MTCL2: variants seen among roughly 807,000 people sequenced by gnomAD.
MTCL2 encodes the protein microtubule cross-linking factor 2.
the MTCL2 span, among the ~76,000 whole-genome samples, chr20:36,846,687 C>T: frequency 6.6e-6 from 1 of 152,192 alleles, no homozygotes; most frequent in African/African-American, 2.4e-5. Context: ...AGCCCTCCAG[C>T]GTCCAAATAG....
chr20:36,789,348 T>C, the MTCL2 span, among the ~76,000 whole-genome samples: 1 of 152,042 alleles, frequency 6.6e-6, no homozygotes, highest in Non-Finnish European at 1.5e-5. Flanking sequence ...TCTGTCAGAG[T>C]GCTTTGAGAT....
At chr20:36,805,957 C>T in the MTCL2 span, 2 of 1,597,730 alleles carry the variant, frequency 1.3e-6, no homozygotes, top group Non-Finnish European at 1.7e-6. Context: ...ATGCTGTTCA[C>T]CTGTTTTTTA....
chr20:36,825,337 C>T, the MTCL2 span, among the ~76,000 whole-genome samples: 1 of 152,210 alleles, frequency 6.6e-6, no homozygotes, highest in Non-Finnish European at 1.5e-5. Context: ...TAAAATAAGA[C>T]AACCACACCA....
chr20:36,790,149 G>A, the MTCL2 span, among the ~76,000 whole-genome samples: 3 of 151,716 alleles, frequency 2.0e-5, no homozygotes, highest in Admixed American at 6.6e-5. Context: ...CTGCCACCAC[G>A]CCTGGCTAAC....
the MTCL2 span, chr20:36,839,354 G>A: frequency 6.2e-7 from 1 of 1,613,004 alleles, no homozygotes; most frequent in Non-Finnish European, 8.5e-7. This position sits in a 1 kb window ranked among gnomAD's most constrained non-coding sequence, Gnocchi z 5.1. Flanking sequence ...TCCAGCTGCT[G>A]TCGCAGCTCC....
chr20:36,862,549 C>T, the MTCL2 span: 5 of 1,109,862 alleles, frequency 4.5e-6, no homozygotes, highest in African/African-American at 8.2e-5. Context: ...GCTTGGGCCC[C>T]TTTCTCCGGA....
At chr20:36,797,499 C>T in the MTCL2 span, 1 of 1,553,496 alleles carries the variant, frequency 6.4e-7, no homozygotes, top group East Asian at 2.4e-5. Flanking sequence ...CCGCCCCACT[C>T]ACCTCCTTCC....
chr20:36,838,544 A>C, the MTCL2 span, among the ~76,000 whole-genome samples: 1 of 152,112 alleles, frequency 6.6e-6, no homozygotes, highest in Non-Finnish European at 1.5e-5. Flanking sequence ...CTATGATCAC[A>C]TCACTGCCTG....
At chr20:36,780,209 C>T in the MTCL2 span, 1 of 151,078 alleles carries the variant, frequency 6.6e-6, no homozygotes, top group African/African-American at 2.4e-5. Context: ...CACAAAAGGA[C>T]AAATACTATA....
the MTCL2 span, among the ~76,000 whole-genome samples, chr20:36,819,088 A>T: frequency 1.3e-5 from 2 of 152,380 alleles, no homozygotes; most frequent in South Asian, 4.1e-4. Flanking sequence ...AGGTTCATAA[A>T]TTGCTGGCAA....
chr20:36,783,774 A>G, the MTCL2 span: 1 of 985,384 alleles, frequency 1.0e-6, no homozygotes, highest in Non-Finnish European at 1.2e-6. Flanking sequence ...AAACTTAGAA[A>G]TCACATTCCA....
chr20:36,855,372 G>A, the MTCL2 span, among the ~76,000 whole-genome samples: 6 of 152,222 alleles, frequency 3.9e-5, no homozygotes, highest in Non-Finnish European at 5.9e-5. Context: ...GGACCTCGGA[G>A]AACAAAGGGC....
the MTCL2 span, among the ~76,000 whole-genome samples, chr20:36,806,862 G>A: frequency 6.6e-6 from 1 of 152,052 alleles, no homozygotes; most frequent in Non-Finnish European, 1.5e-5. Context: ...CCTAAAGTAA[G>A]TTTCTCTCTC....
chr20:36,825,971 TAA>T, the MTCL2 span, among the ~76,000 whole-genome samples: 1 of 151,644 alleles, frequency 6.6e-6, no homozygotes, highest in Non-Finnish European at 1.5e-5. Context: ...TTACCTCTTT[TAA>T]AAATTTCACA....
the MTCL2 span, among the ~76,000 whole-genome samples, chr20:36,821,421 G>A: frequency 2.6e-5 from 4 of 152,082 alleles, no homozygotes; most frequent in East Asian, 3.9e-4. Context: ...CCAGCTACTC[G>A]GGAGGCTGAG....
the MTCL2 span, among the ~76,000 whole-genome samples, chr20:36,843,326 G>T: frequency 1.3e-5 from 2 of 152,148 alleles, no homozygotes; most frequent in African/African-American, 4.8e-5. Flanking sequence ...TCAGAGTCAG[G>T]GTTAGGGAGC....
chr20:36,823,051 G>A, the MTCL2 span, among the ~76,000 whole-genome samples: 2 of 152,202 alleles, frequency 1.3e-5, no homozygotes, highest in African/African-American at 2.4e-5. Context: ...GAGCCACTGT[G>A]CCCGGCCTAC....
At chr20:36,786,010 GGAGCCCTA>G in the MTCL2 span, 1 of 986,208 alleles carries the variant, frequency 1.0e-6, no homozygotes, top group African/African-American at 1.7e-5. Flanking sequence ...AACCAAACAT[GGAGCCCTA>G]GAGCAAAGCC....
chr20:36,842,289 A>G, the MTCL2 span, among the ~76,000 whole-genome samples: 1 of 152,240 alleles, frequency 6.6e-6, no homozygotes, highest in Non-Finnish European at 1.5e-5. Context: ...GTCAGGTCAA[A>G]AACAACAAAA....
Sources: gnomAD v4.1 joint callset for allele counts (sites outside exome capture counted in the v4.1 genomes callset) on GRCh38, gnomAD v4.1.1 for gene constraint, Gnocchi (gnomAD v3.1) non-coding constraint, MANE v1.5 for transcripts, NCBI Gene and HGNC (gene_info 2026-07-23, HGNC 2026-07-21) for gene names.